Variants in AK5 observed in about 807,000 individuals in gnomAD.
The protein encoded by AK5 is adenylate kinase 5.
AK5 carries 27 observed loss-of-function variants against 69.5 expected under a neutral mutation model. The observed-to-expected ratio is 0.39, with a 90% CI of 0.29 to 0.54. The LOEUF (loss-of-function observed/expected upper bound fraction) is 0.54. Among genes scored for constraint, AK5 ranks in the 20% least tolerant of loss-of-function variants. The pLI is 0.71. For synonymous variants in AK5, 260 were observed against 244.4 expected, an observed-to-expected ratio of 1.06 and a Z score of -0.60; for missense variants, 531 against 700.4, an observed-to-expected ratio of 0.76 and a Z score of 2.73.
At chr1:77,473,398 G>T (rs1004037590) in intron 8 of AK5, among the ~76,000 whole-genome samples, 42 of 151,876 alleles carry the variant, frequency 2.8e-4, no homozygotes, top group Non-Finnish European at 1.2e-4. Context: ...AGCTTCTTTA[G>T]ACAGCACCTA....
rs189288803 is a variant in AK5 at position 77,427,161 on chromosome 1, A to G, written c.1059+9446A>G. On this transcript the variant is annotated intron_variant, in intron 8 of 13. Coordinates refer to ENST00000354567, the MANE Select transcript of AK5 (RefSeq NM_174858.3). ...AAAAACTAATAAAAATTAAAGCAGA[A>G]ATCAATGAAATTATAAATAGGAAAT... is the stretch of plus-strand genomic sequence containing the variant. Among the ~76,000 whole-genome samples, 211 of 152,118 alleles carry G rather than the reference A, an allele frequency of 1.4e-3. 1 individual carries two copies. Among genetic ancestry groups the G allele is most frequent in the African/African-American group, 4.8e-3 (201 of 41,576 alleles).
chr1:77,312,583 C>A (rs1408269194), intron 5 of AK5, among the ~76,000 whole-genome samples: 1 of 149,574 alleles, frequency 6.7e-6, no homozygotes, highest in East Asian at 2.0e-4. Flanking sequence ...TCACCACACT[C>A]CAGCCTGGGT....
At chr1:77,364,208 T>C (rs1646912789) in intron 6 of AK5, among the ~76,000 whole-genome samples, 1 of 152,194 alleles carries the variant, frequency 6.6e-6, no homozygotes, top group East Asian at 1.9e-4. Context: ...GAATTAAAGA[T>C]TATCTTAACA....
At chr1:77,287,644 A>G (rs1658434214) in intron 2 of AK5, among the ~76,000 whole-genome samples, 1 of 152,258 alleles carries the variant, frequency 6.6e-6, no homozygotes, top group Admixed American at 6.5e-5. Context: ...TTAAGTGAGC[A>G]ATGAACAATT....
intron 6 of AK5, among the ~76,000 whole-genome samples, chr1:77,393,172 C>G (rs1356760890): frequency 6.6e-6 from 1 of 152,038 alleles, no homozygotes; most frequent in Non-Finnish European, 1.5e-5. Flanking sequence ...CTAGTAAAAT[C>G]TTTTAAAACT....
chr1:77,445,670 T>C (rs953926883), intron 8 of AK5, among the ~76,000 whole-genome samples: 8 of 152,152 alleles, frequency 5.3e-5, no homozygotes, highest in African/African-American at 1.9e-4. Context: ...CTGCAACCTC[T>C]GCCTCCCAGG....
At chr1:77,368,267 A>G (rs1647049279) in intron 6 of AK5, among the ~76,000 whole-genome samples, 1 of 104,584 alleles carries the variant, frequency 9.6e-6, no homozygotes, top group East Asian at 3.3e-4. Flanking sequence ...TATATGTTAT[A>G]TATATGTTAT....
chr1:77,527,109 A>G (rs1295767739), intron 12 of AK5, among the ~76,000 whole-genome samples: 1 of 152,224 alleles, frequency 6.6e-6, no homozygotes, highest in African/African-American at 2.4e-5. Flanking sequence ...TATGGAGATA[A>G]TAATACCTGT....
At chr1:77,448,988 G>C (rs1327619370) in intron 8 of AK5, among the ~76,000 whole-genome samples, 1 of 152,204 alleles carries the variant, frequency 6.6e-6, no homozygotes, top group African/African-American at 2.4e-5. Flanking sequence ...TGGATGTCCA[G>C]GGAGAAGTTT....
At chr1:77,371,825 A>G (rs1647127176) in intron 6 of AK5, among the ~76,000 whole-genome samples, 1 of 152,226 alleles carries the variant, frequency 6.6e-6, no homozygotes, top group Non-Finnish European at 1.5e-5. Flanking sequence ...ATTAATAGTT[A>G]TTAAGTTCTG....
At chr1:77,332,846 ACT>A (rs1438663465) in intron 5 of AK5, among the ~76,000 whole-genome samples, 2 of 152,054 alleles carry the variant, frequency 1.3e-5, no homozygotes, top group East Asian at 3.9e-4. Flanking sequence ...AATATTCTGT[ACT>A]CTGAGTTTTT....
chr1:77,359,211 C>A (rs1038300536), intron 6 of AK5, among the ~76,000 whole-genome samples: 6 of 150,972 alleles, frequency 4.0e-5, no homozygotes, highest in African/African-American at 1.5e-4. Context: ...GCCGAGATTA[C>A]GCCACTGCAC....
chr1:77,422,529 G>A (rs957042311), intron 8 of AK5, among the ~76,000 whole-genome samples: 5 of 152,096 alleles, frequency 3.3e-5, no homozygotes, highest in Non-Finnish European at 7.4e-5. Context: ...CCTCAAATGG[G>A]TCATGTTTGC....
chr1:77,390,880 A>C (rs1301211977), intron 6 of AK5, among the ~76,000 whole-genome samples: 1 of 152,232 alleles, frequency 6.6e-6, no homozygotes, highest in Non-Finnish European at 1.5e-5. Flanking sequence ...GTTTGTGTAC[A>C]ATCACTTTGG....
rs866311885 is a variant in AK5 at position 77,521,899 on chromosome 1, G to A, written c.1384G>A (p.Gly462Ser). 18 of 1,613,240 alleles carry A rather than the reference G, an allele frequency of 1.1e-5. No homozygotes were observed. The highest frequency in any genetic ancestry group is 3.3e-4 in the Middle Eastern group (2 of 6,078). ...GGACACCAGGGGCTTCCTGATTGAC[G>A]GCTATCCTCGGGAGGTGAAGCAAGG... ...LGDTRGFLID[G>S]YPREVKQGEE... The change falls in exon 12 of 14, where the codon GGC becomes AGC. Residue 462 changes from glycine (G) to serine (S), a missense_variant. By Grantham distance (56) the Gly-to-Ser change is moderately conservative. Coordinates refer to ENST00000354567, the MANE Select transcript of AK5 (RefSeq NM_174858.3).
At chr1:77,314,001 A>T in intron 5 of AK5, 1 of 416,114 alleles carries the variant, frequency 2.4e-6, no homozygotes, top group South Asian at 1.8e-5. Flanking sequence ...AAAGGGGAAG[A>T]GGGGGAGAAA....
intron 8 of AK5, among the ~76,000 whole-genome samples, chr1:77,423,234 AAAAAAAAG>A (rs1650968216): frequency 6.7e-6 from 1 of 148,706 alleles, no homozygotes; most frequent in Non-Finnish European, 1.5e-5. Context: ...AAAAAAATAA[AAAAAAAAG>A]AAGAACTACT....
At chr1:77,381,803 A>T (rs1305998181) in intron 6 of AK5, among the ~76,000 whole-genome samples, 1 of 152,244 alleles carries the variant, frequency 6.6e-6, no homozygotes, top group Non-Finnish European at 1.5e-5. Flanking sequence ...TTATAGAGAC[A>T]CTTATTTAAA....
At chr1:77,362,789 G>A (rs974275128) in intron 6 of AK5, among the ~76,000 whole-genome samples, 5 of 152,160 alleles carry the variant, frequency 3.3e-5, no homozygotes, top group African/African-American at 9.7e-5. Context: ...ATAATGTTCA[G>A]TGTTGGCTGG....
Sources: gnomAD v4.1 joint callset for allele counts (sites outside exome capture counted in the v4.1 genomes callset) on GRCh38, gnomAD v4.1.1 for gene constraint, MANE v1.5 for transcripts, NCBI Gene and HGNC (gene_info 2026-07-23, HGNC 2026-07-21) for gene names.